The following DLG2 variants were observed in gnomAD, a reference collection of about 807,000 sequenced individuals.
The protein encoded by DLG2 is disks large homolog 2.
A neutral mutation model predicts 132.5 loss-of-function variants in DLG2; 45 were observed. The ratio of observed to expected loss-of-function variants is 0.34; its 90% CI spans 0.27 to 0.44. The LOEUF is 0.44. Ranked by LOEUF, DLG2 falls within the 20% of genes least tolerant of loss-of-function variation. The pLI, the probability that DLG2 is intolerant of heterozygous loss-of-function variation, is 1.00. For missense variants in DLG2, 1,045 were observed against 1,196.9 expected, an observed-to-expected ratio of 0.87 and a Z score of 1.87; for synonymous variants, 424 against 419.6, an observed-to-expected ratio of 1.01 and a Z score of -0.13.
At chr11:84,311,728 A>G (rs2098289045) in intron 7 of DLG2, among the ~76,000 whole-genome samples, 1 of 152,150 alleles carries the variant, frequency 6.6e-6, no homozygotes, top group African/African-American at 2.4e-5. Context: ...AGTCCTCATC[A>G]AGGTCCACCC....
At chr11:84,165,628 G>T (rs2095643704) in intron 8 of DLG2, among the ~76,000 whole-genome samples, 1 of 151,966 alleles carries the variant, frequency 6.6e-6, no homozygotes, top group Non-Finnish European at 1.5e-5. Context: ...ATCCCGGCTG[G>T]GTGGTTCACA....
At chr11:85,573,170 C>T (rs1224010820) in intron 3 of DLG2, among the ~76,000 whole-genome samples, 1 of 152,130 alleles carries the variant, frequency 6.6e-6, no homozygotes, top group Non-Finnish European at 1.5e-5. Context: ...CATACTTGTA[C>T]AGACTGAAGA....
intron 7 of DLG2, among the ~76,000 whole-genome samples, chr11:84,368,205 A>G (rs1022899864): frequency 6.6e-5 from 10 of 152,278 alleles, no homozygotes; most frequent in African/African-American, 2.4e-4. Context: ...GGTTTGGTCA[A>G]TTGTATTTAT....
chr11:83,729,974 G>A (rs2153698383), intron 18 of DLG2, among the ~76,000 whole-genome samples: 1 of 151,936 alleles, frequency 6.6e-6, no homozygotes, highest in South Asian at 2.1e-4. Context: ...CCGCTTTATA[G>A]AACCAAAAAT....
At chr11:84,390,152 C>G (rs567367982) in intron 7 of DLG2, among the ~76,000 whole-genome samples, 1 of 152,216 alleles carries the variant, frequency 6.6e-6, no homozygotes, top group East Asian at 1.9e-4. Flanking sequence ...TTTCTACAGC[C>G]TTTACATCCA....
At chr11:84,944,854 T>C (rs913872947) in intron 6 of DLG2, among the ~76,000 whole-genome samples, 11 of 152,164 alleles carry the variant, frequency 7.2e-5, no homozygotes, top group African/African-American at 2.7e-4. Flanking sequence ...TTTGCCCACC[T>C]CACCTCCCAA....
chr11:85,056,224 T>G (rs1182777870), intron 6 of DLG2, among the ~76,000 whole-genome samples: 1 of 152,060 alleles, frequency 6.6e-6, no homozygotes, highest in South Asian at 2.1e-4. Flanking sequence ...CCCTAAGATA[T>G]GGGTACTTTT....
chr11:85,581,526 G>A (rs1467299924), intron 3 of DLG2, among the ~76,000 whole-genome samples: 1 of 152,116 alleles, frequency 6.6e-6, no homozygotes, highest in East Asian at 1.9e-4. Context: ...GCTGAGGCAG[G>A]GGAATTGCTT....
At chr11:83,933,292 GA>G (rs1308466194) in intron 14 of DLG2, among the ~76,000 whole-genome samples, 1 of 152,228 alleles carries the variant, frequency 6.6e-6, no homozygotes, top group African/African-American at 2.4e-5. Flanking sequence ...GCCTAGGTCA[GA>G]AGGTAGTGAA....
chr11:83,820,844 A>T (rs1446675280), intron 17 of DLG2, among the ~76,000 whole-genome samples: 1 of 152,154 alleles, frequency 6.6e-6, no homozygotes, highest in Non-Finnish European at 1.5e-5. Flanking sequence ...CTGGTAAGTT[A>T]TTCATCCAGG....
intron 9 of DLG2, among the ~76,000 whole-genome samples, chr11:84,162,161 A>G (rs2095560431): frequency 6.6e-6 from 1 of 152,128 alleles, no homozygotes; most frequent in Admixed American, 6.6e-5. Context: ...TATTTCTTAT[A>G]CTAAATGTGG....
At chr11:85,477,033 T>A (rs2093164314) in intron 3 of DLG2, among the ~76,000 whole-genome samples, 1 of 152,034 alleles carries the variant, frequency 6.6e-6, no homozygotes, top group African/African-American at 2.4e-5. Flanking sequence ...ATGACAAGAG[T>A]AATGCACTGC....
rs376253718 is a variant in DLG2, at chr11:84,154,767, C to T, written c.624+8694G>A. On this transcript the variant is annotated intron_variant, in intron 9 of 27. Transcript: ENST00000376104. ...TGCAGTGTTTGGTTTTTTGTCCCTG[C>T]GATAGTTTACTGAGAATGATGGTTT... is the stretch of plus-strand genomic sequence containing the variant. Among the ~76,000 whole-genome samples the T allele has an allele frequency of 1.5e-3, 225 of 152,066 alleles. 2 individuals are homozygous for T. The highest frequency in any genetic ancestry group is 4.9e-3 in the African/African-American group (203 of 41,472).
At chr11:83,968,901 G>C (rs952044969) in intron 12 of DLG2, among the ~76,000 whole-genome samples, 13 of 152,186 alleles carry the variant, frequency 8.5e-5, no homozygotes, top group Non-Finnish European at 1.8e-4. Context: ...CATGCAGAGA[G>C]GGAGAATGTA....
intron 15 of DLG2, among the ~76,000 whole-genome samples, chr11:83,877,044 A>C (rs1361672825): frequency 6.6e-6 from 1 of 152,122 alleles, no homozygotes; most frequent in Non-Finnish European, 1.5e-5. Flanking sequence ...TTTTCTTCAG[A>C]TGCGTTTCCC....
intron 7 of DLG2, among the ~76,000 whole-genome samples, chr11:84,334,074 A>G (rs188589091): frequency 2.6e-5 from 4 of 152,290 alleles, no homozygotes; most frequent in African/African-American, 9.6e-5. Context: ...GCAAATATTA[A>G]GCAGAATTTA....
chr11:83,526,360 T>C (rs1409588016), intron 21 of DLG2, among the ~76,000 whole-genome samples: 1 of 152,272 alleles, frequency 6.6e-6, no homozygotes, highest in South Asian at 2.1e-4. Context: ...CCAGTCTCTC[T>C]CCTCCAACCT....
chr11:84,262,506 C>T (rs1162195152), intron 7 of DLG2, among the ~76,000 whole-genome samples: 2 of 152,112 alleles, frequency 1.3e-5, no homozygotes, highest in Admixed American at 6.5e-5. Flanking sequence ...AAAATGAATG[C>T]AATTTTCATC....
rs73511133 is a variant in DLG2, at chr11:84,604,464, A to G, written c.358-69733T>C. 1.5e-3 allele frequency among the ~76,000 whole-genome samples: 228 copies of G among 152,022 alleles called. 1 individual carries two copies. The highest frequency in any genetic ancestry group is 5.3e-3 in the African/African-American group (220 of 41,536). The stretch of plus-strand genomic sequence containing the variant: ...TTATAAGTCAAATTAAGGTATTTAA[A>G]CTTTATGTTAAAGGCAACTACTGCA... On this transcript the variant is annotated intron_variant, in intron 6 of 27. Coordinates refer to ENST00000376104, the MANE Select transcript of DLG2 (RefSeq NM_001142699.3).
Sources: allele counts gnomAD v4.1 joint callset (sites outside exome capture counted in the v4.1 genomes callset), GRCh38; gene constraint gnomAD v4.1.1; transcripts MANE v1.5; gene names NCBI Gene and HGNC (gene_info 2026-07-23, HGNC 2026-07-21).